Variants in SEMA5A observed in about 807,000 individuals in gnomAD.
SEMA5A encodes the protein semaphorin 5A.
Under a neutral mutation model 135.5 loss-of-function variants are expected in SEMA5A, and 55 were observed. The ratio of observed to expected loss-of-function variants is 0.41; its 90% CI spans 0.33 to 0.51. SEMA5A has a LOEUF of 0.51. Among genes scored for constraint, SEMA5A ranks in the 20% least tolerant of loss-of-function variants. The pLI, the probability that SEMA5A is intolerant of heterozygous loss-of-function variation, is 0.37. For synonymous variants in SEMA5A, 580 were observed against 546.5 expected (o/e 1.06, Z -0.85); for missense variants, 1,290 against 1,419.9 (o/e 0.91, Z 1.47).
At chr5:9,290,000 C>T (rs1057046215) in intron 5 of SEMA5A, among the ~76,000 whole-genome samples, 2 of 152,204 alleles carry the variant, frequency 1.3e-5, no homozygotes, top group South Asian at 4.1e-4. Context: ...CATTAACAAC[C>T]AATTCACATA....
chr5:9,329,078 C>T (rs1329524080), intron 4 of SEMA5A, among the ~76,000 whole-genome samples: 1 of 152,172 alleles, frequency 6.6e-6, no homozygotes, highest in Non-Finnish European at 1.5e-5. Flanking sequence ...GTCTTCCCTG[C>T]CAGATTCCTC....
At chr5:9,384,072 T>C (rs937435185) in intron 2 of SEMA5A, among the ~76,000 whole-genome samples, 11 of 152,156 alleles carry the variant, frequency 7.2e-5, no homozygotes, top group Admixed American at 5.2e-4. Flanking sequence ...TACAACATAG[T>C]ACCTTTTTTC....
chr5:9,422,957 A>G (rs1285196539), intron 2 of SEMA5A, among the ~76,000 whole-genome samples: 2 of 152,234 alleles, frequency 1.3e-5, no homozygotes, highest in Non-Finnish European at 2.9e-5. Context: ...CAGGGGATTT[A>G]TTCTCTGGGT....
intron 11 of SEMA5A, among the ~76,000 whole-genome samples, chr5:9,185,450 T>C (rs937811250): frequency 1.4e-4 from 21 of 152,214 alleles, no homozygotes; most frequent in African/African-American, 5.1e-4. Context: ...TGAAAAACAA[T>C]GATTCAAAAT....
In SEMA5A at chr5:9,050,451, G is replaced by A. The variant is rs1273517569; in HGVS notation, c.2852C>T (p.Ser951Phe). 6.2e-7 allele frequency: 1 copy of A among 1,612,462 alleles called. No individual in the cohort carries two copies. Among genetic ancestry groups the A allele is most frequent in the East Asian group, 2.2e-5 (1 of 44,844 alleles). Residue 951 changes from serine to phenylalanine, a missense_variant, in exon 21 of 23, where the codon TCT becomes TTT. By Grantham distance (155) the Ser-to-Phe change is radical. Transcript: ENST00000382496. Reference protein sequence around the residue: ...VFDSNFIPEVSVARSSSVEEK... With the variant: ...VFDSNFIPEVFVARSSSVEEK... ...TTCTACGCTACTGGATCTTGCCACA[G>A]ATACTTCTGGAAAAAGAAAAGTCGA... is the stretch of plus-strand genomic sequence containing the variant.
Position 9,189,078 on chromosome 5 carries a change from C to T in SEMA5A, c.1273+1189G>A, listed in dbSNP as rs150640510. ...CCACTGGCCAGTCCCACATCTGGCT[C>T]ATTGGTTGTTTCCCTTATGGGTGCA... On this transcript the variant is annotated intron_variant, in intron 11 of 22. Transcript: ENST00000382496. Among the ~76,000 whole-genome samples the T allele has an allele frequency of 7.9e-3, 1,197 of 152,352 alleles. 14 individuals are homozygous for T. Among genetic ancestry groups the T allele is most frequent in the Non-Finnish European group, 0.014 (935 of 68,038 alleles).
intron 4 of SEMA5A, among the ~76,000 whole-genome samples, chr5:9,327,978 CTT>C (rs1158030428): frequency 5.3e-5 from 8 of 152,132 alleles, no homozygotes; most frequent in Non-Finnish European, 1.2e-4. Flanking sequence ...ACTATTCATG[CTT>C]TAAATTATCT....
intron 1 of SEMA5A, among the ~76,000 whole-genome samples, chr5:9,443,018 G>A (rs1758296237): frequency 6.6e-6 from 1 of 152,212 alleles, no homozygotes; most frequent in African/African-American, 2.4e-5. Context: ...CCAGCACTCA[G>A]ATGTGGGCTG....
chr5:9,235,862 A>G (rs1232710482), intron 6 of SEMA5A, among the ~76,000 whole-genome samples: 1 of 152,188 alleles, frequency 6.6e-6, no homozygotes, highest in Non-Finnish European at 1.5e-5. Context: ...GTCTGTTCTC[A>G]CACTGCTAAT....
intron 2 of SEMA5A, among the ~76,000 whole-genome samples, chr5:9,404,599 T>C (rs1010782591): frequency 1.3e-5 from 2 of 152,196 alleles, no homozygotes; most frequent in African/African-American, 4.8e-5. Context: ...TTAATCAAAT[T>C]GTTTAAAAAT....
chr5:9,455,799 G>A (rs1163212815), intron 1 of SEMA5A, among the ~76,000 whole-genome samples: 1 of 152,138 alleles, frequency 6.6e-6, no homozygotes, highest in East Asian at 1.9e-4. Flanking sequence ...AATTAACTGA[G>A]AGCTTTAAAA....
chr5:9,118,928 G>A, intron 15 of SEMA5A, 70 bp downstream of exon 15: 1 of 1,564,122 alleles, frequency 6.4e-7, no homozygotes, highest in Non-Finnish European at 8.7e-7. Flanking sequence ...TAAAACCGCG[G>A]GGAACTCGAC....
chr5:9,147,136 G>C (rs1005255556), intron 12 of SEMA5A, among the ~76,000 whole-genome samples: 2 of 152,092 alleles, frequency 1.3e-5, no homozygotes, highest in Non-Finnish European at 2.9e-5. Context: ...TTGACCTTTA[G>C]AGCAATAAAC....
chr5:9,365,495 T>C (rs144071771), intron 3 of SEMA5A, among the ~76,000 whole-genome samples: 71 of 152,236 alleles, frequency 4.7e-4, no homozygotes, highest in African/African-American at 1.7e-3. Flanking sequence ...TGCATTCAGA[T>C]AGCTTTTTAA....
intron 1 of SEMA5A, among the ~76,000 whole-genome samples, chr5:9,475,916 T>G (rs1269277508): frequency 6.6e-6 from 1 of 152,198 alleles, no homozygotes. Context: ...ATTCCCAAAC[T>G]TCAACTCATT....
chr5:9,230,784 C>A (rs1747587734), intron 6 of SEMA5A, among the ~76,000 whole-genome samples: 1 of 152,108 alleles, frequency 6.6e-6, no homozygotes, highest in African/African-American at 2.4e-5. Context: ...TTGGCCCCAG[C>A]CTTAACTAGA....
chr5:9,395,016 T>C (rs1164576617), intron 2 of SEMA5A, among the ~76,000 whole-genome samples: 5 of 152,178 alleles, frequency 3.3e-5, no homozygotes, highest in Non-Finnish European at 4.4e-5. Context: ...TACTCCTAAG[T>C]CGTAGGAAAA....
intron 1 of SEMA5A, among the ~76,000 whole-genome samples, chr5:9,488,606 C>T (rs1185089749): frequency 6.6e-6 from 1 of 152,168 alleles, no homozygotes; most frequent in East Asian, 1.9e-4. Flanking sequence ...ATATGTCTGA[C>T]ATAAGACTTT....
chr5:9,276,378 T>C (rs1357683668), intron 5 of SEMA5A, among the ~76,000 whole-genome samples: 1 of 152,190 alleles, frequency 6.6e-6, no homozygotes, highest in African/African-American at 2.4e-5. Context: ...AAAATGGCCA[T>C]ACTGCCCAAA....
Sources: gnomAD v4.1 joint callset for allele counts (sites outside exome capture counted in the v4.1 genomes callset) on GRCh38, gnomAD v4.1.1 for gene constraint, MANE v1.5 for transcripts, NCBI Gene and HGNC (gene_info 2026-07-23, HGNC 2026-07-21) for gene names.